Variants in PLD1 observed in about 807,000 individuals in gnomAD.
PLD1 encodes the protein choline phosphatase 1.
In PLD1, 112 loss-of-function variants were observed where a neutral mutation model predicts 137.1. That is an observed-to-expected ratio of 0.82 (90% CI 0.70 to 0.96). The LOEUF (loss-of-function observed/expected upper bound fraction) is 0.96, where lower values mean the gene tolerates loss of function less well. Among genes scored for constraint, PLD1 ranks in the 40% least tolerant of loss-of-function variants. PLD1 has a pLI of 0.00. For missense variants in PLD1, 1,321 were observed against 1,342.0 expected, an observed-to-expected ratio of 0.98 and a Z score of 0.24; for synonymous variants, 431 against 454.7, an observed-to-expected ratio of 0.95 and a Z score of 0.66.
intron 1 of PLD1, among the ~76,000 whole-genome samples, chr3:171,749,213 G>A (rs1720481035): frequency 6.6e-6 from 1 of 152,010 alleles, no homozygotes; most frequent in South Asian, 2.1e-4. Flanking sequence ...AAGTCTGATG[G>A]GCACACTGGA....
intron 25 of PLD1, among the ~76,000 whole-genome samples, chr3:171,610,539 CA>C (rs1478219258): frequency 3.9e-5 from 6 of 152,098 alleles, no homozygotes; most frequent in African/African-American, 1.4e-4. Flanking sequence ...GTGCTGTAAT[CA>C]AAAACCTCTA....
intron 9 of PLD1, among the ~76,000 whole-genome samples, chr3:171,711,518 GA>G (rs374866440): frequency 1.1e-3 from 173 of 151,300 alleles, no homozygotes; most frequent in African/African-American, 4.1e-3. Context: ...ATTGATACCA[GA>G]AAAAAAAGGA....
rs192381383 is a variant in PLD1, at chr3:171,797,853, C to T, written c.-32+12546G>A. Among the ~76,000 whole-genome samples, 732 of 151,232 alleles carry T rather than the reference C, an allele frequency of 4.8e-3. 9 individuals are homozygous for T. Among genetic ancestry groups the T allele is most frequent in the African/African-American group, 0.017 (703 of 41,276 alleles). On this transcript the variant is annotated intron_variant, in intron 1 of 26. Transcript: ENST00000351298. ...ATTCTTTGAGGGTTAATTTTTTTTTCCCTCAATCTTTAGAATTTTTTAGAG... is the reference window on the plus strand; with the variant it reads ...ATTCTTTGAGGGTTAATTTTTTTTTTCCTCAATCTTTAGAATTTTTTAGAG...
intron 1 of PLD1, among the ~76,000 whole-genome samples, chr3:171,770,058 C>T: frequency 6.6e-6 from 1 of 152,156 alleles, no homozygotes; most frequent in East Asian, 1.9e-4. Flanking sequence ...TTAATAAAGG[C>T]AGAATTGCTC....
At position 171,735,562 on chromosome 3, in the gene PLD1, G is replaced by T; in HGVS notation, c.364C>A (p.His122Asn). 1 of 1,603,432 alleles carries T rather than the reference G, an allele frequency of 6.2e-7. No homozygotes were observed. The highest frequency in any genetic ancestry group is 8.5e-7 in the Non-Finnish European group (1 of 1,170,254). ...AGCTCTCTGTGAAATTCTTGAAAATGCTTGAATTTCCTCTTAACTTGCCAT... is the reference window on the plus strand; with the variant it reads ...AGCTCTCTGTGAAATTCTTGAAAATTCTTGAATTTCCTCTTAACTTGCCAT... ...FKWQVKRKFKHFQEFHRELLK... is the reference protein window; with the variant it reads ...FKWQVKRKFKNFQEFHRELLK... The change falls in exon 4 of 27, where the codon CAT becomes AAT. Residue 122 changes from histidine to asparagine, a missense_variant. His to Asn is a moderately conservative substitution (Grantham distance 68, BLOSUM62 1). Coordinates refer to ENST00000351298, the MANE Select transcript of PLD1 (RefSeq NM_002662.5).
At chr3:171,731,553 G>A (rs183219317) in intron 6 of PLD1, among the ~76,000 whole-genome samples, 10 of 152,224 alleles carry the variant, frequency 6.6e-5, no homozygotes, top group African/African-American at 1.4e-4. Context: ...AGGCAGAGGC[G>A]GGCGGATCAC....
intron 24 of PLD1, among the ~76,000 whole-genome samples, chr3:171,617,693 G>A (rs546271139): frequency 1.3e-5 from 2 of 152,250 alleles, no homozygotes; most frequent in South Asian, 4.1e-4. Flanking sequence ...TTCATGACCA[G>A]CAGGGTTACC....
chr3:171,634,255 G>T (rs1045375041), intron 23 of PLD1, among the ~76,000 whole-genome samples: 1 of 152,022 alleles, frequency 6.6e-6, no homozygotes, highest in African/African-American at 2.4e-5. Context: ...CCCTTGAATA[G>T]GCAAAGGCAA....
chr3:171,740,210 C>G (rs1272941326), intron 1 of PLD1, among the ~76,000 whole-genome samples: 1 of 152,112 alleles, frequency 6.6e-6, no homozygotes, highest in African/African-American at 2.4e-5. Context: ...AGTAGTTTTG[C>G]ATTTGGGTAA....
intron 21 of PLD1, among the ~76,000 whole-genome samples, chr3:171,658,764 AT>A (rs1263157831): frequency 6.6e-6 from 1 of 152,224 alleles, no homozygotes; most frequent in Non-Finnish European, 1.5e-5. Context: ...ACTGAATTGT[AT>A]AGTTTAAGTG....
chr3:171,668,858 C>T (rs142860214), intron 19 of PLD1, among the ~76,000 whole-genome samples: 1 of 152,130 alleles, frequency 6.6e-6, no homozygotes, highest in Non-Finnish European at 1.5e-5. Flanking sequence ...ATCTTAAATG[C>T]CATTAAGACC....
intron 8 of PLD1, among the ~76,000 whole-genome samples, chr3:171,718,765 A>G (rs1717866544): frequency 1.3e-5 from 2 of 152,288 alleles, no homozygotes; most frequent in Non-Finnish European, 2.9e-5. Flanking sequence ...AATCTATAAC[A>G]TGAGGATAAC....
intron 1 of PLD1, among the ~76,000 whole-genome samples, chr3:171,778,541 G>A (rs1722665854): frequency 6.6e-6 from 1 of 152,194 alleles, no homozygotes; most frequent in Admixed American, 6.5e-5. Context: ...AGGCCTCTCT[G>A]GGGAGATGAC....
intron 1 of PLD1, among the ~76,000 whole-genome samples, chr3:171,766,100 G>T (rs777584958): frequency 3.8e-4 from 57 of 151,972 alleles, no homozygotes; most frequent in Non-Finnish European, 7.4e-4. Flanking sequence ...ACTCTAACCT[G>T]TCACTTCTAA....
rs76061318 is a variant in PLD1 at position 171,784,957 on chromosome 3, C to A, written c.-32+25442G>T. ...ATTAACAGCTAATAACATACAAATA[C>A]ATATTTTAGACGGAATCATAAGGAA... On this transcript the variant is annotated intron_variant, in intron 1 of 26. Coordinates refer to ENST00000351298, the MANE Select transcript of PLD1 (RefSeq NM_002662.5). Among the ~76,000 whole-genome samples, 290 of 152,280 alleles carry A rather than the reference C, an allele frequency of 1.9e-3. 8 individuals are homozygous for A. In the East Asian group the frequency reaches 0.043, roughly 22 times the overall value.
intron 5 of PLD1, 32 bp from the exon 6 acceptor site, chr3:171,733,541 C>A (rs766441574): frequency 1.1e-5 from 9 of 806,566 alleles, no homozygotes; most frequent in African/African-American, 5.2e-5. Context: ...TAAGTGTTAA[C>A]ATGGTCATAT....
chr3:171,649,404 C>T (rs1011272402), intron 21 of PLD1, among the ~76,000 whole-genome samples: 2 of 152,248 alleles, frequency 1.3e-5, no homozygotes, highest in East Asian at 1.9e-4. Flanking sequence ...GAATTTCAAA[C>T]GCAAAATTGT....
intron 16 of PLD1, among the ~76,000 whole-genome samples, chr3:171,682,080 C>A (rs1268891710): frequency 7.9e-6 from 1 of 126,708 alleles, no homozygotes; most frequent in Admixed American, 9.2e-5. Context: ...CACGTGTATC[C>A]CAGAACTTAA....
At chr3:171,777,324 C>T (rs1722624513) in intron 1 of PLD1, among the ~76,000 whole-genome samples, 1 of 152,206 alleles carries the variant, frequency 6.6e-6, no homozygotes, top group Admixed American at 6.5e-5. Flanking sequence ...CTACTGCTGT[C>T]TGTCTCAGGA....
Sources: allele counts gnomAD v4.1 joint callset (sites outside exome capture counted in the v4.1 genomes callset), GRCh38; gene constraint gnomAD v4.1.1; transcripts MANE v1.5; gene names NCBI Gene and HGNC (gene_info 2026-07-23, HGNC 2026-07-21).